Variants in MALT1 observed in about 807,000 individuals in gnomAD.
The protein encoded by MALT1 is MALT1 paracaspase, also known as mucosa-associated lymphoid tissue lymphoma translocation protein 1.
Under a neutral mutation model 85.5 loss-of-function variants are expected in MALT1, and 36 were observed. The ratio of observed to expected loss-of-function variants is 0.42; its 90% CI spans 0.32 to 0.56. The LOEUF (loss-of-function observed/expected upper bound fraction) is 0.56, where lower values mean the gene tolerates loss of function less well. Among genes scored for constraint, MALT1 ranks in the 20% least tolerant of loss-of-function variants. The pLI is 0.10. For missense variants in MALT1, 716 were observed against 981.6 expected, an observed-to-expected ratio of 0.73 and a Z score of 3.62; for synonymous variants, 359 against 361.3, an observed-to-expected ratio of 0.99 and a Z score of 0.07.
At chr18:58,691,252 AC>A (rs1281396273) in intron 2 of MALT1, 2 of 408,372 alleles carry the variant, frequency 4.9e-6, no homozygotes, top group African/African-American at 4.4e-5. Flanking sequence ...GGCTATCCTT[AC>A]CCCTATCTCC....
rs1279462829 is a variant in MALT1 at position 58,753,011 on chromosome 18, C to T, written c.*5169C>T. ...CTTGCCTGTGCTTCTGTTTCCTTAT[C>T]TGTAAAATGGGGATGATGCTGTAAC... On this transcript the variant is annotated 3_prime_UTR_variant, in exon 17 of 17. Transcript: ENST00000649217. 1 of 151,424 alleles carries T rather than the reference C, an allele frequency of 6.6e-6. No homozygotes were observed. Among genetic ancestry groups the T allele is most frequent in the Non-Finnish European group, 1.5e-5 (1 of 67,948 alleles). The allele number at this position is 151,424 out of a possible 1,614,324, so 9.4% of individuals were successfully genotyped here.
At chr18:58,717,152 C>G (rs993978954) in intron 9 of MALT1, among the ~76,000 whole-genome samples, 12 of 152,104 alleles carry the variant, frequency 7.9e-5, no homozygotes, top group African/African-American at 2.7e-4. Context: ...CACCTGGGGT[C>G]AGAAGATTGA....
chr18:58,749,209 C>T lies in MALT1; in HGVS notation c.*1367C>T, dbSNP rs1204666851. On this transcript the variant is annotated 3_prime_UTR_variant, in exon 17 of 17. Coordinates refer to ENST00000649217, the MANE Select transcript of MALT1 (RefSeq NM_006785.4). ...AAACACTGAATTAAATATGGAACAA[C>T]TGCTTTTAGGAGAAAGTGTATTTGT... 4.6e-6 allele frequency: 1 copy of T among 216,690 alleles called. No homozygotes were observed. Among genetic ancestry groups the T allele is most frequent in the Non-Finnish European group, 9.3e-6 (1 of 107,862 alleles). The allele number at this position is 216,690 out of a possible 1,614,324, so 13.4% of individuals were successfully genotyped here.
In MALT1 at chr18:58,709,825, A is replaced by G. The variant is rs2054807195; in HGVS notation, c.829-151A>G. The G allele has an allele frequency of 9.8e-6, 6 of 613,680 alleles. No individual in the cohort carries two copies. In the South Asian group the frequency reaches 1.3e-4, roughly 13 times the overall value. 38.0% of individuals were successfully genotyped at this position (613,680 alleles called of 1,614,324 possible). A position where few individuals can be genotyped will look rare whatever the true frequency, so the allele number is the denominator to read the frequency against. On this transcript the variant is annotated intron_variant, in intron 5 of 16. Coordinates refer to ENST00000649217, the MANE Select transcript of MALT1 (RefSeq NM_006785.4). ...ATCATTACAACATTTACTTGCTGGT[A>G]TTTAACCTGATGAATGGAGCTAATG...
At chr18:58,730,588 A>G (rs1487170572) in intron 10 of MALT1, among the ~76,000 whole-genome samples, 1 of 152,150 alleles carries the variant, frequency 6.6e-6, no homozygotes, top group African/African-American at 2.4e-5. Flanking sequence ...TACTGCTGTG[A>G]GCATTTGTGT....
At chr18:58,722,200 C>T (rs11873030) in intron 9 of MALT1, among the ~76,000 whole-genome samples, 36,687 of 151,426 alleles carry the variant, frequency 0.24, 4,550 homozygotes, top group Middle Eastern at 0.33. Flanking sequence ...AGAAAGGTAC[C>T]GTGTTGAAGA....
chr18:58,718,014 A>G (rs1252620946), intron 9 of MALT1, among the ~76,000 whole-genome samples: 2 of 152,234 alleles, frequency 1.3e-5, no homozygotes, highest in African/African-American at 4.8e-5. Flanking sequence ...TATGCATTTA[A>G]TAGTAATGCT....
At chr18:58,694,198 C>G (rs908197874) in intron 2 of MALT1, among the ~76,000 whole-genome samples, 1 of 152,178 alleles carries the variant, frequency 6.6e-6, no homozygotes, top group African/African-American at 2.4e-5. Context: ...CTGAGAGGCT[C>G]TACTATATTT....
Position 58,745,748 on chromosome 18 carries a change from A to G in MALT1, c.1994A>G (p.Lys665Arg), listed in dbSNP as rs1161040254. Residue 665 changes from lysine to arginine, a missense_variant, in exon 16 of 17, where the codon AAG (lysine) becomes AGG (arginine). Lys to Arg is a conservative substitution (Grantham distance 26). Around this residue, in one of 4 missense-constraint regions of MALT1, gnomAD observed 260 missense variants for 323.7 expected, o/e 0.80. Transcript: ENST00000649217. ...GSYLVSKDLP[K>R]HCLYTRLSSL... Reference sequence around the variant, plus strand: ...TACTTGGTATCAAAGGATCTTCCCAAGCATTGCCTCTATACCAGACTCAGT... The same window carrying G: ...TACTTGGTATCAAAGGATCTTCCCAGGCATTGCCTCTATACCAGACTCAGT... 6.2e-7 allele frequency: 1 copy of G among 1,613,782 alleles called. No homozygotes were observed. Among genetic ancestry groups the G allele is most frequent in the African/African-American group, 1.3e-5 (1 of 74,920 alleles).
intron 4 of MALT1, among the ~76,000 whole-genome samples, chr18:58,709,149 G>A (rs540307398): frequency 3.3e-5 from 5 of 152,226 alleles, no homozygotes; most frequent in East Asian, 1.9e-4. Context: ...TCCTGCAATC[G>A]AGAAATGTGT....
Position 58,720,343 on chromosome 18 carries a change from C to T in MALT1, c.1019-2705C>T, listed in dbSNP as rs183214491. Among the ~76,000 whole-genome samples the T allele has an allele frequency of 6.7e-3, 1,021 of 152,284 alleles. 9 individuals are homozygous for T. Among genetic ancestry groups the T allele is most frequent in the Admixed American group, 0.013 (194 of 15,298 alleles). On this transcript the variant is annotated intron_variant, in intron 9 of 16. Coordinates refer to ENST00000649217, the MANE Select transcript of MALT1 (RefSeq NM_006785.4). Reference sequence around the variant, plus strand: ...TTCTCTGTCGTGTCCTTTTTCCTCTCCCTTTCTACTACTTCTCGATCTTCC... The same window carrying T: ...TTCTCTGTCGTGTCCTTTTTCCTCTTCCTTTCTACTACTTCTCGATCTTCC...
intron 13 of MALT1, among the ~76,000 whole-genome samples, chr18:58,739,064 T>G (rs2055265327): frequency 6.6e-6 from 1 of 152,194 alleles, no homozygotes; most frequent in South Asian, 2.1e-4. Context: ...TTAAATGGTT[T>G]TTCTGCAGCT....
At chr18:58,710,760 G>C (rs2054820492) in intron 6 of MALT1, among the ~76,000 whole-genome samples, 161 bp from the exon 7 acceptor site, 1 of 152,096 alleles carries the variant, frequency 6.6e-6, no homozygotes, top group Non-Finnish European at 1.5e-5. Flanking sequence ...TTATATTTCA[G>C]CTTAATATAT....
At chr18:58,681,410 A>G in intron 2 of MALT1, 74 bp downstream of exon 2, 5 of 1,394,892 alleles carry the variant, frequency 3.6e-6, no homozygotes, top group Non-Finnish European at 4.9e-6. Flanking sequence ...TCTTTTGACC[A>G]GGTGAACTGT....
In MALT1 at chr18:58,730,088, G is replaced by A. The variant is rs1383402710; in HGVS notation, c.1223-3309G>A. Reference sequence around the variant, plus strand: ...GAGTAACTTGAGCAAAGTTGTGGACGTTAAAAATAAGTTTATCTTGCTCTT... The same window carrying A: ...GAGTAACTTGAGCAAAGTTGTGGACATTAAAAATAAGTTTATCTTGCTCTT... On this transcript the variant is annotated intron_variant, in intron 10 of 16. Coordinates refer to ENST00000649217, the MANE Select transcript of MALT1 (RefSeq NM_006785.4). 2.6e-5 allele frequency among the ~76,000 whole-genome samples: 4 copies of A among 152,180 alleles called. No homozygotes were observed. The East Asian group carries it at 5.8e-4, about 22-fold the overall frequency.
In MALT1 at chr18:58,709,415, C is replaced by T. The variant is rs776091851; in HGVS notation, c.687C>T (p.Ile229=). ...GCGTCTCTGAATCCAAGTTGCAAATCTGTGTTGAACCAACTTCCCAAAAGC... is the reference window on the plus strand; with the variant it reads ...GCGTCTCTGAATCCAAGTTGCAAATTTGTGTTGAACCAACTTCCCAAAAGC... ...VDGVSESKLQ[I]CVEPTSQKLM... is the part of the protein sequence containing the mutation. The change falls in exon 5 of 17, where the codon ATC becomes ATT. Residue 229 remains isoleucine (I), a synonymous_variant. Coordinates refer to ENST00000649217, the MANE Select transcript of MALT1 (RefSeq NM_006785.4). The T allele has an allele frequency of 3.1e-6, 5 of 1,604,890 alleles. No individual in the cohort carries two copies. The highest frequency in any genetic ancestry group is 1.7e-5 in the Admixed American group (1 of 58,672).
At chr18:58,734,113 A>G in intron 11 of MALT1, 194 bp from the exon 12 acceptor site, 2 of 1,320,226 alleles carry the variant, frequency 1.5e-6, no homozygotes, top group East Asian at 2.6e-5. Context: ...ATGCAACTCT[A>G]GTTTTAAAGC....
intron 13 of MALT1, among the ~76,000 whole-genome samples, chr18:58,737,419 CTG>C (rs1291194788): frequency 6.6e-6 from 1 of 150,716 alleles, no homozygotes; most frequent in African/African-American, 2.4e-5. Flanking sequence ...CAGTTTGAGA[CTG>C]TAGTAAGTAT....
intron 9 of MALT1, among the ~76,000 whole-genome samples, chr18:58,721,045 A>G (rs954709057): frequency 6.6e-6 from 1 of 152,210 alleles, no homozygotes; most frequent in Non-Finnish European, 1.5e-5. Flanking sequence ...GTCTTGCTGT[A>G]GCAGGTACTT....
Sources: allele counts gnomAD v4.1 joint callset (sites outside exome capture counted in the v4.1 genomes callset), GRCh38; gene constraint gnomAD v4.1.1; regional missense constraint gnomAD v4.1.1; transcripts MANE v1.5; gene names NCBI Gene and HGNC (gene_info 2026-07-23, HGNC 2026-07-21).